The following MEGF6 variants were observed in gnomAD, a reference collection of about 807,000 sequenced individuals.
MEGF6 encodes multiple epidermal growth factor-like domains protein 6.
MEGF6 carries 184 observed loss-of-function variants against 207.1 expected under a neutral mutation model. The ratio of observed to expected loss-of-function variants is 0.89; its 90% CI spans 0.79 to 1.00. The LOEUF (loss-of-function observed/expected upper bound fraction) is 1.00. Ranked by LOEUF, MEGF6 falls within the 50% of genes least tolerant of loss-of-function variation. The pLI, the probability that MEGF6 is intolerant of heterozygous loss-of-function variation, is 0.00. For missense variants in MEGF6, 2,282 were observed against 2,202.9 expected, an observed-to-expected ratio of 1.04 and a Z score of -0.72; for synonymous variants, 1,038 against 910.0, an observed-to-expected ratio of 1.14 and a Z score of -2.53.
At chr1:3,536,114 C>T (rs944020405) in intron 4 of MEGF6, among the ~76,000 whole-genome samples, 3 of 152,152 alleles carry the variant, frequency 2.0e-5, no homozygotes, top group Non-Finnish European at 4.4e-5. Flanking sequence ...AGTCTAGACA[C>T]TCACCCTTCC....
rs1407661058 is a variant in MEGF6 at position 3,573,838 on chromosome 1, C to A, written c.481+5987G>T. ...GACTCCCACCCTCAGACACAGTGGG[C>A]AGCATTGAAAGGCAGTGGGGAGGGC... On this transcript the variant is annotated intron_variant, in intron 4 of 36. Transcript: ENST00000356575. The surrounding 1 kb of genome is among the most constrained non-coding windows in gnomAD (Gnocchi z 5.1). 2.6e-5 allele frequency among the ~76,000 whole-genome samples: 4 copies of A among 152,188 alleles called. No homozygotes were observed. The highest frequency in any genetic ancestry group is 2.6e-4 in the Admixed American group (4 of 15,286).
chr1:3,492,976 G>A (rs964067267), intron 34 of MEGF6: 2 of 622,458 alleles, frequency 3.2e-6, no homozygotes, highest in Non-Finnish European at 5.5e-6. Context: ...TCTGCAGCCA[G>A]TGAGCTCCTG....
Position 3,512,132 on chromosome 1 carries a change from G to A in MEGF6, c.854-4C>T. On this transcript the variant is annotated splice_polypyrimidine_tract_variant and splice_region_variant and intron_variant, in intron 7 of 36. Coordinates refer to ENST00000356575, the MANE Select transcript of MEGF6 (RefSeq NM_001409.4). ...CCTGCGGCACATTCGTCCACATCTG[G>A]AGGGGAGAGACCACAGGGAGGGCTC... 6.2e-7 allele frequency: 1 copy of A among 1,600,896 alleles called. No individual in the cohort carries two copies.
intron 4 of MEGF6, among the ~76,000 whole-genome samples, chr1:3,569,572 G>A (rs1352683561): frequency 6.6e-6 from 1 of 152,258 alleles, no homozygotes; most frequent in Non-Finnish European, 1.5e-5. Flanking sequence ...CCCAGCTAGT[G>A]GGAAGAGCTG....
chr1:3,624,346 T>C, the MEGF6 span: 2 of 152,264 alleles, frequency 1.3e-5, no homozygotes, highest in Non-Finnish European at 2.9e-5. Context: ...CCGGGATCTC[T>C]GGGCAGCCCT....
chr1:3,495,580 G>A (rs1458250923), intron 30 of MEGF6, among the ~76,000 whole-genome samples: 2 of 152,222 alleles, frequency 1.3e-5, no homozygotes, highest in Admixed American at 6.5e-5. Context: ...CCAGGCAGGC[G>A]CTGGGTAGGA....
intron 4 of MEGF6, among the ~76,000 whole-genome samples, chr1:3,555,453 G>C (rs908146717): frequency 1.3e-5 from 2 of 152,232 alleles, no homozygotes; most frequent in African/African-American, 4.8e-5. Flanking sequence ...GTACAGGCAG[G>C]ATGAGAGCCG....
At chr1:3,500,919 G>A (rs1304889828) in intron 20 of MEGF6, 47 bp downstream of exon 20, 6 of 1,609,984 alleles carry the variant, frequency 3.7e-6, no homozygotes, top group African/African-American at 2.7e-5. Context: ...CCAGGGGCTA[G>A]GAAAGGAGGG....
chr1:3,520,995 C>T (rs185108178), intron 5 of MEGF6, among the ~76,000 whole-genome samples: 1 of 152,166 alleles, frequency 6.6e-6, no homozygotes, highest in Non-Finnish European at 1.5e-5. Context: ...GGCAGCTTCT[C>T]CACCAGCCTC....
At chr1:3,503,906 C>T (rs1219339414) in intron 17 of MEGF6, among the ~76,000 whole-genome samples, 1 of 152,164 alleles carries the variant, frequency 6.6e-6, no homozygotes, top group Non-Finnish European at 1.5e-5. Flanking sequence ...CACAGAGCTT[C>T]TGCCAGTCCA....
intron 35 of MEGF6, among the ~76,000 whole-genome samples, 180 bp from the exon 36 acceptor site, chr1:3,491,139 G>GGCTCTCC (rs1252832666): frequency 6.7e-6 from 1 of 148,264 alleles, no homozygotes; most frequent in Non-Finnish European, 1.5e-5. Flanking sequence ...GGGGGGGGGG[G>GGCTCTCC]CTCTCCCTCT....
chr1:3,497,533 G>T, intron 26 of MEGF6, 172 bp from the exon 27 acceptor site: 1 of 948,046 alleles, frequency 1.1e-6, no homozygotes, highest in Admixed American at 2.3e-5. Flanking sequence ...GAGGGCAGAG[G>T]CAGGCCCCGG....
At chr1:3,529,261 A>G (rs1642066993) in intron 4 of MEGF6, among the ~76,000 whole-genome samples, 1 of 152,128 alleles carries the variant, frequency 6.6e-6, no homozygotes, top group South Asian at 2.1e-4. Context: ...TGGGGGCCTG[A>G]GCCTGAGGTT....
intron 3 of MEGF6, among the ~76,000 whole-genome samples, chr1:3,582,119 G>A (rs2794338): frequency 0.59 from 90,066 of 152,116 alleles, 29,498 homozygotes; most frequent in Non-Finnish European, 0.74. Flanking sequence ...CACCCAGCAG[G>A]ACACCAGGCC....
chr1:3,514,746 T>C (rs1036947642), intron 6 of MEGF6, 74 bp from the exon 7 acceptor site: 137 of 1,449,064 alleles, frequency 9.5e-5, no homozygotes, highest in Non-Finnish European at 1.2e-4. Flanking sequence ...CCCCCAGGCT[T>C]CTTGTGAGAC....
intron 4 of MEGF6, among the ~76,000 whole-genome samples, chr1:3,536,920 T>C (rs1642348706): frequency 6.6e-6 from 1 of 152,260 alleles, no homozygotes; most frequent in Non-Finnish European, 1.5e-5. Context: ...TGTCCCTCAG[T>C]GCTCACCTCC....
chr1:3,515,331 C>T, intron 6 of MEGF6, 71 bp downstream of exon 6: 2 of 1,529,352 alleles, frequency 1.3e-6, no homozygotes, highest in Non-Finnish European at 1.8e-6. Flanking sequence ...CACTTCCACC[C>T]AACAGCCCAG....
chr1:3,494,100 GCC>G lies in MEGF6; in HGVS notation c.4152_4153del (p.Ala1385TrpfsTer33). ...ACACCAGCACAACCCCTGGCAGCCA[GCC>G]CCGTGGAAGCCAGGGGGACAGGCTG... On this transcript the variant is annotated frameshift_variant, in exon 33 of 37. Coordinates refer to ENST00000356575, the MANE Select transcript of MEGF6 (RefSeq NM_001409.4). LOFTEE classifies it high-confidence loss of function. 1 of 1,581,180 alleles carries G rather than the reference GCC, an allele frequency of 6.3e-7. No homozygotes were observed. The highest frequency in any genetic ancestry group is 8.6e-7 in the Non-Finnish European group (1 of 1,162,432).
At chr1:3,497,518 C>A in intron 26 of MEGF6, 157 bp from the exon 27 acceptor site, 1 of 1,018,384 alleles carries the variant, frequency 9.8e-7, no homozygotes, top group Non-Finnish European at 1.4e-6. Context: ...CCCCCCGCCA[C>A]CCCGGAGGGC....
Sources: gnomAD v4.1 joint callset for allele counts (sites outside exome capture counted in the v4.1 genomes callset) on GRCh38, gnomAD v4.1.1 for gene constraint, Gnocchi (gnomAD v3.1) non-coding constraint, MANE v1.5 for transcripts, NCBI Gene and HGNC (gene_info 2026-07-23, HGNC 2026-07-21) for gene names.